COL4A1: variants seen among roughly 807,000 people sequenced by gnomAD.
COL4A1 encodes the protein collagen alpha-1(IV) chain.
COL4A1 carries 40 observed loss-of-function variants against 216.6 expected under a neutral mutation model. That is an observed-to-expected ratio of 0.18 (90% CI 0.14 to 0.24). COL4A1 has a LOEUF of 0.24. Ranked by LOEUF, COL4A1 falls within the 10% of genes least tolerant of loss-of-function variation. COL4A1 has a pLI of 1.00. For missense variants in COL4A1, 1,628 were observed against 2,196.8 expected (o/e 0.74, Z 5.18); for synonymous variants, 839 against 810.7 (o/e 1.03, Z -0.59).
rs536174 is a variant in COL4A1, at chr13:110,187,203, G to T, written c.1663C>A (p.Pro555Thr). The change falls in exon 25 of 52, where the codon CCA (proline) becomes ACA (threonine). Residue 555 changes from proline to threonine, a missense_variant. Around this residue, in one of 8 missense-constraint regions of COL4A1, gnomAD observed 701 missense variants for 892.5 expected, o/e 0.79. Coordinates refer to ENST00000375820, the MANE Select transcript of COL4A1 (RefSeq NM_001845.6). ...CTTCCAGGAGAACCCGCTCTCCCTG[G>T]CATGCCGGGCTGTCCTGGAAAGCCT... is the stretch of plus-strand genomic sequence containing the variant. Reference protein sequence around the residue: ...DPGFPGQPGMPGRAGSPGRDG... With the variant: ...DPGFPGQPGMTGRAGSPGRDG... 1.9e-6 allele frequency: 3 copies of T among 1,613,846 alleles called. No homozygotes were observed. In the African/African-American group the frequency reaches 4.0e-5, roughly 22 times the overall value.
intron 1 of COL4A1, among the ~76,000 whole-genome samples, chr13:110,292,063 G>C (rs547172432): frequency 6.6e-5 from 10 of 152,078 alleles, no homozygotes; most frequent in Non-Finnish European, 1.0e-4. Context: ...CTGTCTTTCC[G>C]ACCGATTTTC....
intron 42 of COL4A1, 44 bp from the exon 43 acceptor site, chr13:110,169,806 A>G: frequency 1.9e-6 from 3 of 1,612,918 alleles, no homozygotes; most frequent in Non-Finnish European, 1.7e-6. Flanking sequence ...TTAAATATGC[A>G]CAAGTGTCCC....
intron 2 of COL4A1, among the ~76,000 whole-genome samples, chr13:110,242,177 A>G (rs1345942047): frequency 1.3e-5 from 2 of 152,246 alleles, no homozygotes; most frequent in Non-Finnish European, 2.9e-5. Flanking sequence ...GTTTGCTTGC[A>G]AAGAAATACA....
intron 1 of COL4A1, among the ~76,000 whole-genome samples, chr13:110,292,137 T>A (rs1488623105): frequency 6.6e-6 from 1 of 152,208 alleles, no homozygotes; most frequent in African/African-American, 2.4e-5. Context: ...GGAAGCATTG[T>A]CAAATTTAGC....
chr13:110,256,326 A>C (rs1330601915), intron 1 of COL4A1, among the ~76,000 whole-genome samples: 2 of 152,216 alleles, frequency 1.3e-5, no homozygotes, highest in Non-Finnish European at 2.9e-5. Flanking sequence ...CAACAAACCT[A>C]CAAGATGCTG....
intron 2 of COL4A1, among the ~76,000 whole-genome samples, chr13:110,233,106 T>C (rs1881141387): frequency 1.3e-5 from 2 of 152,286 alleles, no homozygotes; most frequent in African/African-American, 4.8e-5. Flanking sequence ...TTCCAGGGGC[T>C]TTTCTAGGGT....
Position 110,150,407 on chromosome 13 carries a change from G to T in COL4A1, c.4966C>A (p.Arg1656Ser), listed in dbSNP as rs377350886. The T allele has an allele frequency of 2.7e-5, 44 of 1,613,908 alleles. No individual in the cohort carries two copies. The South Asian group carries it at 4.0e-4, about 14-fold the overall frequency. ...ACTTGGCAGCGGCTGACGTGCGTGC[G>T]CAGCTCCCCTGCCTTCAAGGTGGAC... The part of the protein sequence containing the change: ...TPSTLKAGEL[R>S]THVSRCQVCM... Residue 1656 changes from arginine (R) to serine (S), a missense_variant, in exon 52 of 52, where the codon CGC (arginine) becomes AGC (serine). Around this residue, in one of 8 missense-constraint regions of COL4A1, gnomAD observed 254 missense variants for 300.1 expected, o/e 0.85. Coordinates refer to ENST00000375820, the MANE Select transcript of COL4A1 (RefSeq NM_001845.6).
intron 1 of COL4A1, among the ~76,000 whole-genome samples, chr13:110,250,406 T>A (rs114788591): frequency 5.1e-4 from 78 of 152,310 alleles, no homozygotes; most frequent in African/African-American, 1.9e-3. Flanking sequence ...TTTTCTTGGC[T>A]TCTCTTAGGA....
intron 1 of COL4A1, among the ~76,000 whole-genome samples, chr13:110,279,533 A>C (rs1335149599): frequency 6.6e-6 from 1 of 152,152 alleles, no homozygotes; most frequent in Non-Finnish European, 1.5e-5. Flanking sequence ...AGACACATTC[A>C]ATCTATTCTT....
At chr13:110,150,940 C>G (rs1406930540) in intron 51 of COL4A1, among the ~76,000 whole-genome samples, 1 of 152,108 alleles carries the variant, frequency 6.6e-6, no homozygotes, top group Non-Finnish European at 1.5e-5. Context: ...TTCCCTAGAC[C>G]TCGAAATACT....
At chr13:110,284,158 C>G (rs147365209) in intron 1 of COL4A1, among the ~76,000 whole-genome samples, 1 of 152,298 alleles carries the variant, frequency 6.6e-6, no homozygotes, top group Admixed American at 6.5e-5. Context: ...AGGATGTGCT[C>G]CCCCAGGTAG....
intron 48 of COL4A1, 61 bp downstream of exon 48, chr13:110,162,169 C>A: frequency 6.9e-7 from 1 of 1,459,542 alleles, no homozygotes; most frequent in South Asian, 1.1e-5. Context: ...TCCAGCACTG[C>A]ACACCGAAGG....
At position 110,210,403 on chromosome 13, in the gene COL4A1, G is replaced by T. The variant is rs76574181; in HGVS notation, c.469-191C>A. On this transcript the variant is annotated intron_variant, in intron 8 of 51. Transcript: ENST00000375820. ...CATGATTGCCGTCTTAATGGCCAGCGTTAACCACTGCCTGGTCAACTGAGC... is the reference window on the plus strand; with the variant it reads ...CATGATTGCCGTCTTAATGGCCAGCTTTAACCACTGCCTGGTCAACTGAGC... Among the ~76,000 whole-genome samples, 4 of 151,894 alleles carry T rather than the reference G, an allele frequency of 2.6e-5. No homozygotes were observed. In the South Asian group the frequency reaches 6.2e-4, roughly 24 times the overall value.
rs765435202 is a variant in COL4A1 at position 110,179,278 on chromosome 13, C to T, written c.2337G>A (p.Gly779=). 1.2e-6 allele frequency: 2 copies of T among 1,614,066 alleles called. No individual in the cohort carries two copies. The highest frequency in any genetic ancestry group is 2.2e-5 in the South Asian group (2 of 91,072). ...HGAIGPPGLQ[G]IRGEPGPPGL... ...TGATCTGCATGAAGTTACCTCTGAT[C>T]CCCTGAAGCCCAGGGGGTCCGATCG... Residue 779 remains glycine (G), a synonymous_variant, in exon 30 of 52, where the codon GGG becomes GGA. Transcript: ENST00000375820.
intron 2 of COL4A1, among the ~76,000 whole-genome samples, chr13:110,241,777 T>C (rs1314456294): frequency 6.6e-6 from 1 of 152,232 alleles, no homozygotes; most frequent in Non-Finnish European, 1.5e-5. Flanking sequence ...AACTAGAATT[T>C]GCTGAATTTC....
intron 2 of COL4A1, among the ~76,000 whole-genome samples, chr13:110,214,544 G>A (rs1879977133): frequency 6.6e-6 from 1 of 152,124 alleles, no homozygotes; most frequent in Non-Finnish European, 1.5e-5. Flanking sequence ...CCTCACCCAG[G>A]GTGAGCAGGT....
intron 1 of COL4A1, among the ~76,000 whole-genome samples, chr13:110,265,060 A>G (rs1882971580): frequency 1.3e-5 from 2 of 152,198 alleles, no homozygotes; most frequent in South Asian, 4.1e-4. Flanking sequence ...CCGTCCCACC[A>G]TCATCGATCG....
intron 2 of COL4A1, among the ~76,000 whole-genome samples, chr13:110,219,662 G>GTATA (rs67727932): frequency 0.011 from 692 of 64,480 alleles, 2 homozygotes; most frequent in East Asian, 0.032. Context: ...ATATATATAT[G>GTATA]TATATATATA....
intron 1 of COL4A1, among the ~76,000 whole-genome samples, chr13:110,253,742 T>C (rs1054046713): frequency 1.4e-5 from 2 of 144,648 alleles, no homozygotes; most frequent in Non-Finnish European, 3.0e-5. Flanking sequence ...TATGTATGTA[T>C]TACATATACA....
Sources: gnomAD v4.1 joint callset for allele counts (sites outside exome capture counted in the v4.1 genomes callset) on GRCh38, gnomAD v4.1.1 for gene constraint, gnomAD v4.1.1 regional missense constraint, MANE v1.5 for transcripts, NCBI Gene and HGNC (gene_info 2026-07-23, HGNC 2026-07-21) for gene names.